TRABD2B: variants seen among roughly 807,000 people sequenced by gnomAD.
TRABD2B encodes the protein metalloprotease TIKI2.
TRABD2B carries 14 observed loss-of-function variants against 40.1 expected under a neutral mutation model. That is an observed-to-expected ratio of 0.35 (90% CI 0.23 to 0.55). The LOEUF is 0.55. Among genes scored for constraint, TRABD2B ranks in the 20% least tolerant of loss-of-function variants. TRABD2B has a pLI of 0.90. For synonymous variants in TRABD2B, 263 were observed against 277.0 expected, an observed-to-expected ratio of 0.95 and a Z score of 0.50; for missense variants, 541 against 648.6, an observed-to-expected ratio of 0.83 and a Z score of 1.80.
At chr1:47,881,394 A>G (rs1409827019) in intron 2 of TRABD2B, among the ~76,000 whole-genome samples, 1 of 152,202 alleles carries the variant, frequency 6.6e-6, no homozygotes, top group Non-Finnish European at 1.5e-5. Context: ...AAGACAGAAT[A>G]ATACCAGTTA....
intron 2 of TRABD2B, among the ~76,000 whole-genome samples, chr1:47,880,444 A>T (rs1004521201): frequency 3.3e-5 from 5 of 152,240 alleles, no homozygotes; most frequent in Non-Finnish European, 5.9e-5. Context: ...AGGAAACAAT[A>T]ATTACACAGA....
At chr1:47,822,149 T>TACACACACACAC (rs77773814) in intron 2 of TRABD2B, among the ~76,000 whole-genome samples, 5 of 151,172 alleles carry the variant, frequency 3.3e-5, no homozygotes, top group Admixed American at 2.0e-4. Context: ...TGTGTACACG[T>TACACACACACAC]ACACACACAC....
At position 47,765,792 on chromosome 1, in the gene TRABD2B, G is replaced by A. The variant is rs1350114842; in HGVS notation, c.*110C>T. 1.4e-6 allele frequency: 1 copy of A among 701,422 alleles called. No homozygotes were observed. The highest frequency in any genetic ancestry group is 2.6e-6 in the Non-Finnish European group (1 of 384,674). 43.4% of individuals were successfully genotyped at this position (701,422 alleles called of 1,614,324 possible). A position where few individuals can be genotyped will look rare whatever the true frequency, so the allele number is the denominator to read the frequency against. On this transcript the variant is annotated 3_prime_UTR_variant, in exon 7 of 7. Coordinates refer to ENST00000606738, the MANE Select transcript of TRABD2B (RefSeq NM_001194986.2). ...TAGAGTGTCTAGCCAATCCCATGTG[G>A]ACTGCCCTCGACGTGTTGGGCACCC...
intron 2 of TRABD2B, among the ~76,000 whole-genome samples, chr1:47,838,013 G>A (rs1377775811): frequency 6.6e-6 from 1 of 152,228 alleles, no homozygotes; most frequent in Non-Finnish European, 1.5e-5. Flanking sequence ...AGAATCCCAT[G>A]TAACCTTTCA....
intron 4 of TRABD2B, among the ~76,000 whole-genome samples, chr1:47,783,029 C>T (rs906800865): frequency 6.6e-6 from 1 of 151,696 alleles, no homozygotes; most frequent in African/African-American, 2.4e-5. Flanking sequence ...AGAGGGAGGA[C>T]CATGGGGTGG....
chr1:47,878,294 C>T (rs1047318088), intron 2 of TRABD2B, among the ~76,000 whole-genome samples: 4 of 152,216 alleles, frequency 2.6e-5, no homozygotes, highest in African/African-American at 4.8e-5. Context: ...CCAGTCTGGA[C>T]GACAGAGAGA....
intron 2 of TRABD2B, among the ~76,000 whole-genome samples, chr1:47,882,455 G>C (rs902422480): frequency 4.6e-5 from 7 of 152,244 alleles, no homozygotes; most frequent in Non-Finnish European, 8.8e-5. Flanking sequence ...GGTTGCGGGT[G>C]AGGGGGTCTC....
rs186552136 is a variant in TRABD2B, at chr1:47,813,252, G to A, written c.667-11633C>T. On this transcript the variant is annotated intron_variant, in intron 2 of 6. Transcript: ENST00000606738. This position sits in a 1 kb window ranked among gnomAD's most constrained non-coding sequence, Gnocchi z 4.3. ...CAATTACCAATTTGCAGAGGAGGGA[G>A]GGGGTCTCACAGGCCCTCCAGCAGT... 7.1e-4 allele frequency among the ~76,000 whole-genome samples: 108 copies of A among 152,294 alleles called. 1 individual carries two copies. Among genetic ancestry groups the A allele is most frequent in the African/African-American group, 2.4e-3 (100 of 41,570 alleles).
chr1:47,806,052 T>A (rs1172672154), intron 2 of TRABD2B, among the ~76,000 whole-genome samples: 1 of 152,198 alleles, frequency 6.6e-6, no homozygotes, highest in Non-Finnish European at 1.5e-5. Context: ...GCCACACAGC[T>A]GGTAAAAGAC....
intron 2 of TRABD2B, among the ~76,000 whole-genome samples, chr1:47,976,681 G>T (rs1339386018): frequency 6.6e-6 from 1 of 152,150 alleles, no homozygotes; most frequent in Non-Finnish European, 1.5e-5. Context: ...GGTGGTCAGG[G>T]GAAAACATCT....
Position 47,761,436 on chromosome 1 carries a change from A to C in TRABD2B, c.*4466T>G, listed in dbSNP as rs933703828. The C allele has an allele frequency of 3.9e-5, 6 of 152,280 alleles. No individual in the cohort carries two copies. The highest frequency in any genetic ancestry group is 8.8e-5 in the Non-Finnish European group (6 of 68,172). 9.4% of individuals were successfully genotyped at this position (152,280 alleles called of 1,614,324 possible). A position where few individuals can be genotyped will look rare whatever the true frequency, so the allele number is the denominator to read the frequency against. On this transcript the variant is annotated 3_prime_UTR_variant, in exon 7 of 7. Coordinates refer to ENST00000606738, the MANE Select transcript of TRABD2B (RefSeq NM_001194986.2). ...CACCTTTCAGAAGTTCCCCCACCCA[A>C]AGGCAGCAGTCAAGCCCAGCTGGGT... is the stretch of plus-strand genomic sequence containing the variant.
At chr1:47,913,593 C>A (rs929292145) in intron 2 of TRABD2B, among the ~76,000 whole-genome samples, 2 of 152,120 alleles carry the variant, frequency 1.3e-5, no homozygotes, top group Non-Finnish European at 2.9e-5. Context: ...CCAGCACATA[C>A]CCAAGACAGG....
At chr1:47,859,812 G>A (rs1337318149) in intron 2 of TRABD2B, among the ~76,000 whole-genome samples, 1 of 152,184 alleles carries the variant, frequency 6.6e-6, no homozygotes, top group Non-Finnish European at 1.5e-5. Context: ...TCACAGGGCT[G>A]ACGTCATTCT....
intron 2 of TRABD2B, among the ~76,000 whole-genome samples, chr1:47,955,111 C>T (rs1645399638): frequency 6.6e-6 from 1 of 152,200 alleles, no homozygotes; most frequent in Admixed American, 6.5e-5. Context: ...CCCCCATTCC[C>T]CATCCACACA....
chr1:47,956,332 G>A (rs1320149035), intron 2 of TRABD2B, among the ~76,000 whole-genome samples: 1 of 152,166 alleles, frequency 6.6e-6, no homozygotes, highest in Non-Finnish European at 1.5e-5. Context: ...TCCAACTAAG[G>A]TACTGGGTTC....
intron 2 of TRABD2B, among the ~76,000 whole-genome samples, chr1:47,885,818 T>C (rs959286230): frequency 6.6e-6 from 1 of 152,192 alleles, no homozygotes; most frequent in Non-Finnish European, 1.5e-5. Flanking sequence ...TCAGCTGAGA[T>C]AGAGCTCAAA....
intron 2 of TRABD2B, among the ~76,000 whole-genome samples, chr1:47,911,934 C>T (rs965591868): frequency 6.6e-6 from 1 of 152,214 alleles, no homozygotes; most frequent in African/African-American, 2.4e-5. Flanking sequence ...GTGCTCTGTG[C>T]CACACACAGT....
chr1:47,874,648 G>T (rs994804543), intron 2 of TRABD2B, among the ~76,000 whole-genome samples: 14 of 149,518 alleles, frequency 9.4e-5, no homozygotes, highest in African/African-American at 3.5e-4. Flanking sequence ...GCTCACTGAA[G>T]CTTTGAACTC....
At chr1:47,912,783 C>A (rs2124710071) in intron 2 of TRABD2B, among the ~76,000 whole-genome samples, 1 of 152,144 alleles carries the variant, frequency 6.6e-6, no homozygotes, top group East Asian at 1.9e-4. Context: ...ACAAGGGACA[C>A]TCACTCTTCT....
Sources: gnomAD v4.1 joint callset for allele counts (sites outside exome capture counted in the v4.1 genomes callset) on GRCh38, gnomAD v4.1.1 for gene constraint, Gnocchi (gnomAD v3.1) non-coding constraint, MANE v1.5 for transcripts, NCBI Gene and HGNC (gene_info 2026-07-23, HGNC 2026-07-21) for gene names.